The following XNDC1N variants were observed in gnomAD, a reference collection of about 807,000 sequenced individuals.
XNDC1N encodes the protein protein XNDC1N.
At chr11:71,912,040 G>C in the XNDC1N span, among the ~76,000 whole-genome samples, 1 of 152,194 alleles carries the variant, frequency 6.6e-6, no homozygotes, top group African/African-American at 2.4e-5. Flanking sequence ...CAGTTGTACT[G>C]GCTGTGCAAG....
chr11:71,883,699 T>C, the XNDC1N span, among the ~76,000 whole-genome samples: 1 of 152,146 alleles, frequency 6.6e-6, no homozygotes, highest in African/African-American at 2.4e-5. Flanking sequence ...TTTTAACTTA[T>C]AAATTGTAAC....
chr11:71,920,722 A>T, the XNDC1N span, among the ~76,000 whole-genome samples: 1 of 152,356 alleles, frequency 6.6e-6, no homozygotes, highest in South Asian at 2.1e-4. Flanking sequence ...TTTATACTCA[A>T]TATCAACAAT....
At chr11:71,902,975 C>T in the XNDC1N span, among the ~76,000 whole-genome samples, 2 of 152,130 alleles carry the variant, frequency 1.3e-5, no homozygotes, top group African/African-American at 4.8e-5. Context: ...TACAGCAAGA[C>T]GTGAATAACA....
At chr11:71,902,873 T>C in the XNDC1N span, among the ~76,000 whole-genome samples, 2 of 152,246 alleles carry the variant, frequency 1.3e-5, no homozygotes, top group African/African-American at 4.8e-5. Flanking sequence ...TCGGAAAAGA[T>C]AGGCTGTATT....
chr11:71,923,250 T>A, the XNDC1N span: 3 of 701,176 alleles, frequency 4.3e-6, no homozygotes, highest in East Asian at 8.0e-5. Flanking sequence ...CCAAGACTCC[T>A]ATTTTTTTCA....
chr11:71,911,790 G>A, the XNDC1N span, among the ~76,000 whole-genome samples: 2 of 152,178 alleles, frequency 1.3e-5, no homozygotes, highest in Non-Finnish European at 2.9e-5. Flanking sequence ...TGCATTGCAG[G>A]GGACACCAGC....
At chr11:71,889,086 G>C in the XNDC1N span, among the ~76,000 whole-genome samples, 1 of 152,160 alleles carries the variant, frequency 6.6e-6, no homozygotes, top group Non-Finnish European at 1.5e-5. Flanking sequence ...CATTGCCCCA[G>C]GCCACTTCAG....
chr11:71,909,406 G>A, the XNDC1N span, among the ~76,000 whole-genome samples: 11 of 152,080 alleles, frequency 7.2e-5, no homozygotes, highest in Non-Finnish European at 1.6e-4. Context: ...TAACCAGTGT[G>A]CTGATTGTAA....
At chr11:71,917,613 C>T in the XNDC1N span, 2 of 703,684 alleles carry the variant, frequency 2.8e-6, no homozygotes, top group Admixed American at 2.0e-5. Context: ...TGCTTTTGCC[C>T]TCTTTACCAT....
At chr11:71,866,465 G>A in the XNDC1N span, among the ~76,000 whole-genome samples, 2 of 152,136 alleles carry the variant, frequency 1.3e-5, no homozygotes, top group Non-Finnish European at 2.9e-5. Flanking sequence ...AAACCCCAAA[G>A]GAGTTAATTT....
the XNDC1N span, among the ~76,000 whole-genome samples, chr11:71,896,950 T>C: frequency 0.016 from 2,447 of 152,314 alleles, 76 homozygotes; most frequent in African/African-American, 0.056. Flanking sequence ...CACATGATTT[T>C]TCACGAGTGC....
the XNDC1N span, among the ~76,000 whole-genome samples, chr11:71,867,963 G>A: frequency 2.3e-4 from 35 of 152,212 alleles, no homozygotes; most frequent in Admixed American, 6.5e-4. Flanking sequence ...ATGAATTTGC[G>A]CACACTTGTC....
At chr11:71,883,920 A>C in the XNDC1N span, among the ~76,000 whole-genome samples, 1 of 152,140 alleles carries the variant, frequency 6.6e-6, no homozygotes, top group East Asian at 1.9e-4. Context: ...AAGAACAGAG[A>C]AGCAACCAAA....
chr11:71,914,996 T>C, the XNDC1N span, among the ~76,000 whole-genome samples: 1 of 152,192 alleles, frequency 6.6e-6, no homozygotes, highest in African/African-American at 2.4e-5. Context: ...TATCACATGC[T>C]ACAGAGAACT....
At chr11:71,898,929 A>G in the XNDC1N span, among the ~76,000 whole-genome samples, 5 of 152,242 alleles carry the variant, frequency 3.3e-5, no homozygotes, top group South Asian at 8.3e-4. Context: ...TATATGTGGT[A>G]TATTTTCCCA....
chr11:71,927,299 C>T, the XNDC1N span, among the ~76,000 whole-genome samples: 3 of 152,014 alleles, frequency 2.0e-5, no homozygotes, highest in South Asian at 2.1e-4. Flanking sequence ...TTTGGGAGGC[C>T]GAGGCGGGTG....
the XNDC1N span, chr11:71,928,022 A>T: frequency 6.0e-6 from 1 of 165,512 alleles, no homozygotes; most frequent in African/African-American, 2.4e-5. Context: ...CTTGCAAGGT[A>T]TCGAGTTCAC....
chr11:71,867,207 A>G, the XNDC1N span, among the ~76,000 whole-genome samples: 18 of 152,328 alleles, frequency 1.2e-4, no homozygotes, highest in East Asian at 3.3e-3. Flanking sequence ...AACTACTTGA[A>G]AAAAAGAAGA....
the XNDC1N span, among the ~76,000 whole-genome samples, chr11:71,891,516 C>T: frequency 5.3e-5 from 8 of 152,026 alleles, no homozygotes; most frequent in Non-Finnish European, 1.2e-4. Context: ...GTTGTACACA[C>T]CCTGCGACAT....
Sources: gnomAD v4.1 joint callset for allele counts (sites outside exome capture counted in the v4.1 genomes callset) on GRCh38, gnomAD v4.1.1 for gene constraint, MANE v1.5 for transcripts, NCBI Gene and HGNC (gene_info 2026-07-23, HGNC 2026-07-21) for gene names.